Variants in CADM2 observed in about 807,000 individuals in gnomAD.
The protein encoded by CADM2 is cell adhesion molecule 2.
Under a neutral mutation model 49.8 loss-of-function variants are expected in CADM2, and 12 were observed. The observed-to-expected ratio is 0.24, with a 90% CI of 0.15 to 0.39. CADM2 has a LOEUF of 0.39. Among genes scored for constraint, CADM2 ranks in the 10% least tolerant of loss-of-function variants. The probability of loss-of-function intolerance (pLI) is 1.00; values close to 1 mark genes in which losing one functional copy is unlikely to be tolerated. For missense variants in CADM2, 378 were observed against 492.3 expected (o/e 0.77, Z 2.20); for synonymous variants, 214 against 175.4 (o/e 1.22, Z -1.74).
At chr3:85,107,527 C>CAG (rs1393311076) in intron 1 of CADM2, among the ~76,000 whole-genome samples, 2 of 152,074 alleles carry the variant, frequency 1.3e-5, no homozygotes, top group Non-Finnish European at 2.9e-5. Flanking sequence ...TAAAATGGTG[C>CAG]AGCCTCTGTG....
chr3:85,735,141 G>A (rs1001769235), intron 2 of CADM2, among the ~76,000 whole-genome samples: 19 of 152,062 alleles, frequency 1.2e-4, no homozygotes, highest in African/African-American at 3.4e-4. Flanking sequence ...ACATACTGTC[G>A]TATGTTACAA....
At chr3:85,851,312 G>T (rs1034948299) in intron 3 of CADM2, among the ~76,000 whole-genome samples, 1 of 151,960 alleles carries the variant, frequency 6.6e-6, no homozygotes, top group African/African-American at 2.4e-5. Flanking sequence ...TTCCAGCTGT[G>T]AATTCTCTGT....
chr3:85,480,268 G>C (rs907554471), intron 1 of CADM2, among the ~76,000 whole-genome samples: 2 of 151,704 alleles, frequency 1.3e-5, no homozygotes, highest in Admixed American at 6.6e-5. Context: ...TTTTCCATAA[G>C]CTCCATAAGT....
chr3:85,743,490 T>C (rs2068478146), intron 2 of CADM2, among the ~76,000 whole-genome samples: 3 of 152,156 alleles, frequency 2.0e-5, no homozygotes, highest in Non-Finnish European at 4.4e-5. Context: ...GTGCCTTTTT[T>C]CCCATTGAAA....
intron 8 of CADM2, among the ~76,000 whole-genome samples, chr3:86,051,424 ATCT>A (rs1173209567): frequency 1.3e-5 from 2 of 152,150 alleles, no homozygotes; most frequent in Admixed American, 6.5e-5. Context: ...TCATCTTCTT[ATCT>A]TCTTCTGAGC....
chr3:85,656,657 T>C (rs2065209712), intron 1 of CADM2, among the ~76,000 whole-genome samples: 1 of 152,084 alleles, frequency 6.6e-6, no homozygotes, highest in Non-Finnish European at 1.5e-5. Context: ...AATAAGTAAA[T>C]AAATTTAAGA....
chr3:85,115,744 C>T (rs945589040), intron 1 of CADM2, among the ~76,000 whole-genome samples: 2 of 152,248 alleles, frequency 1.3e-5, no homozygotes, highest in South Asian at 4.1e-4. Flanking sequence ...GACAATGATC[C>T]TGTGCTTCCT....
chr3:85,558,950 C>A (rs1196675129), intron 1 of CADM2, among the ~76,000 whole-genome samples: 1 of 151,904 alleles, frequency 6.6e-6, no homozygotes, highest in African/African-American at 2.4e-5. Flanking sequence ...CAAGCCAAAC[C>A]CATTTGTAAA....
At chr3:85,738,048 A>G (rs1164545853) in intron 2 of CADM2, among the ~76,000 whole-genome samples, 1 of 152,188 alleles carries the variant, frequency 6.6e-6, no homozygotes, top group Non-Finnish European at 1.5e-5. Flanking sequence ...GGCCTGAACA[A>G]TCACCAAATA....
chr3:85,282,680 T>TA (rs1404993146), intron 1 of CADM2, among the ~76,000 whole-genome samples: 1 of 152,122 alleles, frequency 6.6e-6, no homozygotes, highest in East Asian at 1.9e-4. Flanking sequence ...TGCAAAGACA[T>TA]ATATTTGGCT....
intron 1 of CADM2, among the ~76,000 whole-genome samples, chr3:85,327,789 A>T (rs182218479): frequency 1.3e-5 from 2 of 152,102 alleles, no homozygotes; most frequent in Non-Finnish European, 2.9e-5. Flanking sequence ...TCTGTAATTC[A>T]TACTGCTTCT....
chr3:86,019,848 C>T (rs902658864), intron 8 of CADM2, among the ~76,000 whole-genome samples: 7 of 152,144 alleles, frequency 4.6e-5, no homozygotes, highest in African/African-American at 1.2e-4. Context: ...ACTTCCTCTT[C>T]TCCTAATTGA....
intron 1 of CADM2, among the ~76,000 whole-genome samples, chr3:85,207,719 A>T (rs1431076222): frequency 2.0e-5 from 3 of 152,296 alleles, no homozygotes; most frequent in Admixed American, 2.0e-4. Flanking sequence ...TGAATTACAG[A>T]GAGTCTCTTT....
chr3:85,451,429 G>T (rs571604599), intron 1 of CADM2, among the ~76,000 whole-genome samples: 6 of 152,146 alleles, frequency 3.9e-5, no homozygotes, highest in South Asian at 2.1e-4. Flanking sequence ...TTTTATGACT[G>T]CTTCAGAGAA....
At position 85,802,226 on chromosome 3, in the gene CADM2, T is replaced by A; in HGVS notation, c.238+30T>A. On this transcript the variant is annotated intron_variant, in intron 3 of 9. Coordinates refer to ENST00000383699, the MANE Select transcript of CADM2 (RefSeq NM_001167675.2). The stretch of plus-strand genomic sequence containing the variant: ...ATACATTTTCTTTCAAATGTTTTAA[T>A]CGTATTCTAAAATATCCTAATTACA... 1.3e-6 allele frequency: 2 copies of A among 1,577,114 alleles called. 1 individual carries two copies. Among genetic ancestry groups the A allele is most frequent in the South Asian group, 2.3e-5 (2 of 86,304 alleles).
At chr3:85,105,459 A>G (rs1376965686) in intron 1 of CADM2, among the ~76,000 whole-genome samples, 3 of 152,206 alleles carry the variant, frequency 2.0e-5, no homozygotes, top group Non-Finnish European at 4.4e-5. Context: ...GGTGCTGGAG[A>G]GGATGTGGAG....
chr3:85,970,971 G>A (rs1217402981), intron 8 of CADM2, among the ~76,000 whole-genome samples: 1 of 151,390 alleles, frequency 6.6e-6, no homozygotes, highest in Non-Finnish European at 1.5e-5. Flanking sequence ...GAAAAAAAAA[G>A]TCATGCAAGA....
intron 1 of CADM2, among the ~76,000 whole-genome samples, chr3:85,515,262 A>G (rs1238506538): frequency 1.3e-5 from 2 of 152,152 alleles, no homozygotes; most frequent in Non-Finnish European, 2.9e-5. Context: ...AAGATCAGTT[A>G]ACAAATGTAA....
intron 1 of CADM2, among the ~76,000 whole-genome samples, chr3:85,431,719 G>A (rs573192139): frequency 2.0e-4 from 30 of 151,136 alleles, no homozygotes; most frequent in African/African-American, 5.8e-4. Context: ...AAGTTTGTTT[G>A]CTGAGAGTCA....
Sources: allele counts gnomAD v4.1 joint callset (sites outside exome capture counted in the v4.1 genomes callset), GRCh38; gene constraint gnomAD v4.1.1; transcripts MANE v1.5; gene names NCBI Gene and HGNC (gene_info 2026-07-23, HGNC 2026-07-21).